PDK4: variants seen among roughly 807,000 people sequenced by gnomAD.
PDK4 encodes the protein pyruvate dehydrogenase kinase, isozyme 4.
Under a neutral mutation model 51.7 loss-of-function variants are expected in PDK4, and 43 were observed. That is an observed-to-expected ratio of 0.83 (90% CI 0.65 to 1.07). The LOEUF is 1.07. Ranked by LOEUF, PDK4 falls within the 50% of genes least tolerant of loss-of-function variation. The pLI, the probability that PDK4 is intolerant of heterozygous loss-of-function variation, is 0.00. For synonymous variants in PDK4, 170 were observed against 176.6 expected (o/e 0.96, Z 0.30); for missense variants, 498 against 503.5 (o/e 0.99, Z 0.10).
intron 1 of PDK4, 103 bp from the exon 2 acceptor site, chr7:95,595,267 T>C: frequency 1.4e-6 from 1 of 696,054 alleles, no homozygotes; most frequent in Non-Finnish European, 2.3e-6. Flanking sequence ...TATTATAAAA[T>C]TATATTTCAC....
chr7:95,587,512 C>T lies in PDK4; in HGVS notation c.887G>A (p.Gly296Asp). Reference sequence around the variant, plus strand: ...GTCAATAATTCTCAGGGGAACACCACCTCCTCTGTCTGAAATCTAAAACAA... The same window carrying T: ...GTCAATAATTCTCAGGGGAACACCATCTCCTCTGTCTGAAATCTAAAACAA... ...DLTIKISDRGGGVPLRIIDRL... is the reference protein window; with the variant it reads ...DLTIKISDRGDGVPLRIIDRL... Residue 296 changes from glycine (G) to aspartate (D), a missense_variant, in exon 9 of 11, where the codon GGT becomes GAT. Physicochemically the swap from Gly to Asp is moderately conservative, Grantham distance 94 (BLOSUM62 -1). Coordinates refer to ENST00000005178, the MANE Select transcript of PDK4 (RefSeq NM_002612.4). The T allele has an allele frequency of 1.3e-6, 2 of 1,596,432 alleles. No homozygotes were observed. Among genetic ancestry groups the T allele is most frequent in the Non-Finnish European group, 1.7e-6 (2 of 1,163,904 alleles).
In PDK4 at chr7:95,596,330, G is replaced by T; in HGVS notation, c.-37C>A. ...CCCGGCCTGGCGGGGACTGTGGCTG[G>T]CTTGAGGGGCGAAGGCTGCTCGGAG... On this transcript the variant is annotated 5_prime_UTR_variant, in exon 1 of 11. Coordinates refer to ENST00000005178, the MANE Select transcript of PDK4 (RefSeq NM_002612.4). 6.5e-7 allele frequency: 1 copy of T among 1,544,816 alleles called. No homozygotes were observed. The highest frequency in any genetic ancestry group is 8.7e-7 in the Non-Finnish European group (1 of 1,147,416).
chr7:95,592,863 T>C lies in PDK4; in HGVS notation c.426A>G (p.Lys142=). The change falls in exon 4 of 11, where the codon AAA becomes AAG. Residue 142 remains lysine (K), a synonymous_variant. Transcript: ENST00000005178. ...TGACTGGGTCAACTGTACAGGCATCTTTATACTCTATGATTCCTTGTGCCA... is the reference window on the plus strand; with the variant it reads ...TGACTGGGTCAACTGTACAGGCATCCTTATACTCTATGATTCCTTGTGCCA... ...PTMAQGIIEY[K]DACTVDPVTN... The C allele has an allele frequency of 6.2e-7, 1 of 1,611,536 alleles. No homozygotes were observed. Among genetic ancestry groups the C allele is most frequent in the Non-Finnish European group, 8.5e-7 (1 of 1,177,794 alleles).
At position 95,596,468 on chromosome 7, in the gene PDK4, T is replaced by G. The variant is rs1791624702; in HGVS notation, c.-175A>C. ...TTTGAGGGTGCCGCGGAGTGAAGAG[T>G]CTGGGCAGAGTCGGAGATGCAGTGG... On this transcript the variant is annotated 5_prime_UTR_variant, in exon 1 of 11. Transcript: ENST00000005178. The G allele has an allele frequency of 1.7e-6, 1 of 589,400 alleles. No individual in the cohort carries two copies. The highest frequency in any genetic ancestry group is 2.5e-5 in the South Asian group (1 of 39,798). 36.5% of individuals were successfully genotyped at this position (589,400 alleles called of 1,614,324 possible). A position where few individuals can be genotyped will look rare whatever the true frequency, so the allele number is the denominator to read the frequency against.
At chr7:95,594,708 C>T (rs1791594379) in intron 2 of PDK4, 2 of 169,032 alleles carry the variant, frequency 1.2e-5, no homozygotes, top group Non-Finnish European at 2.5e-5. Flanking sequence ...TTTGCAATAT[C>T]AAACTCTTTT....
intron 5 of PDK4, 132 bp from the exon 6 acceptor site, chr7:95,592,197 T>C: frequency 2.2e-6 from 1 of 444,642 alleles, no homozygotes; most frequent in East Asian, 3.6e-5. Flanking sequence ...TATAAAAATA[T>C]ATTTTAATAT....
Position 95,592,073 on chromosome 7 carries a change from A to G in PDK4, c.617-8T>C, listed in dbSNP as rs1159028668. On this transcript the variant is annotated splice_region_variant and splice_polypyrimidine_tract_variant and intron_variant, in intron 5 of 10. Transcript: ENST00000005178. Reference sequence around the variant, plus strand: ...TTGAACACTCAAAGGCATCTGGAATAGAAGTTGTTTTTTATAACAATGAAA... The same window carrying G: ...TTGAACACTCAAAGGCATCTGGAATGGAAGTTGTTTTTTATAACAATGAAA... The G allele has an allele frequency of 6.5e-7, 1 of 1,544,048 alleles. No homozygotes were observed. The highest frequency in any genetic ancestry group is 2.3e-5 in the East Asian group (1 of 42,634).
rs56007777 is a variant in PDK4 at position 95,585,683 on chromosome 7, T to C, written c.1194A>G (p.Pro398=). ...MSSEADDWCI[P]SREPKNLAKE... ...TTGCCAGGTTCTTTGGTTCCCTGCT[T>C]GGGATACACCAGTCATCAGCCTCAG... is the stretch of plus-strand genomic sequence containing the variant. The change falls in exon 11 of 11, where the codon CCA becomes CCG. Residue 398 remains proline, a synonymous_variant. Transcript: ENST00000005178. The C allele has an allele frequency of 1.0e-4, 162 of 1,611,730 alleles. No individual in the cohort carries two copies. Among genetic ancestry groups the C allele is most frequent in the Non-Finnish European group, 1.3e-4 (153 of 1,178,310 alleles).
intron 2 of PDK4, 101 bp downstream of exon 2, chr7:95,594,922 T>G: frequency 1.5e-6 from 1 of 683,482 alleles, no homozygotes; most frequent in Non-Finnish European, 2.4e-6. Context: ...TAGTTACCAT[T>G]CAGATCACCT....
intron 10 of PDK4, 166 bp downstream of exon 10, chr7:95,586,844 A>G (rs1318860814): frequency 1.0e-5 from 5 of 496,816 alleles, no homozygotes; most frequent in African/African-American, 1.9e-5. Context: ...GTAAGTTATC[A>G]TATTAAATAA....
Position 95,585,562 on chromosome 7 carries a change from G to T in PDK4, c.*79C>A. The stretch of plus-strand genomic sequence containing the variant: ...CTGTCGTTTGTTTTGGAGGAAACAA[G>T]GGTTCACACACAAACATTCAGGAAG... On this transcript the variant is annotated 3_prime_UTR_variant, in exon 11 of 11. Transcript: ENST00000005178. 9.0e-6 allele frequency: 11 copies of T among 1,224,314 alleles called. No homozygotes were observed. Among genetic ancestry groups the T allele is most frequent in the Non-Finnish European group, 9.1e-6 (8 of 878,692 alleles). 75.8% of individuals were successfully genotyped at this position (1,224,314 alleles called of 1,614,324 possible).
rs1791447253 is a variant in PDK4 at position 95,583,993 on chromosome 7, A to G, written c.*1648T>C. On this transcript the variant is annotated 3_prime_UTR_variant, in exon 11 of 11. Transcript: ENST00000005178. Reference sequence around the variant, plus strand: ...TCCACAAAAAAATAGTTGAGCTTCTATTACCATTACCAGAAGCACCACAAC... The same window carrying G: ...TCCACAAAAAAATAGTTGAGCTTCTGTTACCATTACCAGAAGCACCACAAC... The G allele has an allele frequency of 6.6e-6, 1 of 152,184 alleles. No homozygotes were observed. Among genetic ancestry groups the G allele is most frequent in the South Asian group, 2.1e-4 (1 of 4,830 alleles). 9.4% of individuals were successfully genotyped at this position (152,184 alleles called of 1,614,324 possible). A position where few individuals can be genotyped will look rare whatever the true frequency, so the allele number is the denominator to read the frequency against.
chr7:95,587,647 A>G lies in PDK4; in HGVS notation c.870+80T>C, dbSNP rs1020183198. 4 of 1,218,206 alleles carry G rather than the reference A, an allele frequency of 3.3e-6. No individual in the cohort carries two copies. The African/African-American group carries it at 6.0e-5, about 18-fold the overall frequency. 75.5% of individuals were successfully genotyped at this position (1,218,206 alleles called of 1,614,324 possible). ...GGCATATATGACTGTTATCTATTGCAAAAAGCAGACAGCTTTATTACTATT... is the reference window on the plus strand; with the variant it reads ...GGCATATATGACTGTTATCTATTGCGAAAAGCAGACAGCTTTATTACTATT... On this transcript the variant is annotated intron_variant, in intron 8 of 10. Coordinates refer to ENST00000005178, the MANE Select transcript of PDK4 (RefSeq NM_002612.4).
intron 6 of PDK4, among the ~76,000 whole-genome samples, chr7:95,590,507 G>A (rs1273815043): frequency 3.9e-5 from 6 of 152,230 alleles, no homozygotes; most frequent in South Asian, 4.2e-4. Flanking sequence ...GGCAAAGTTC[G>A]AATCAGAAAA....
chr7:95,587,862 A>G (rs1347000594), intron 7 of PDK4, 37 bp from the exon 8 acceptor site: 1 of 1,234,646 alleles, frequency 8.1e-7, no homozygotes, highest in Non-Finnish European at 1.2e-6. Flanking sequence ...TCAATGGCAG[A>G]GGAATGAGGG....
chr7:95,594,960 A>G (rs780952394), intron 2 of PDK4, 63 bp downstream of exon 2: 21 of 1,166,238 alleles, frequency 1.8e-5, no homozygotes, highest in Non-Finnish European at 2.4e-5. Flanking sequence ...TTAACATAGT[A>G]TAAGAATTCA....
At chr7:95,595,939 C>T (rs538053057) in intron 1 of PDK4, among the ~76,000 whole-genome samples, 45 of 152,136 alleles carry the variant, frequency 3.0e-4, no homozygotes, top group Non-Finnish European at 5.9e-4. Flanking sequence ...GTCAAACCAT[C>T]CAGCGTCGGC....
At position 95,585,741 on chromosome 7, in the gene PDK4, T is replaced by C. The variant is rs746583324; in HGVS notation, c.1136A>G (p.Asn379Ser). The stretch of plus-strand genomic sequence containing the variant: ...CTGATAATGTTTGAAGGCTGACTTG[T>C]TAAAAACTGGAAGTTTTTCTATAGA... ...SESIEKLPVF[N>S]KSAFKHYQMS... Residue 379 changes from asparagine to serine, a missense_variant, in exon 11 of 11, where the codon AAC becomes AGC. Coordinates refer to ENST00000005178, the MANE Select transcript of PDK4 (RefSeq NM_002612.4). 7 of 1,602,238 alleles carry C rather than the reference T, an allele frequency of 4.4e-6. No homozygotes were observed. The highest frequency in any genetic ancestry group is 1.7e-5 in the Admixed American group (1 of 59,852).
chr7:95,590,199 T>G (rs6956280), intron 6 of PDK4, among the ~76,000 whole-genome samples: 1 of 152,004 alleles, frequency 6.6e-6, no homozygotes, highest in African/African-American at 2.4e-5. Flanking sequence ...AGTCAAAATT[T>G]TATGTATTTT....
Sources: gnomAD v4.1 joint callset for allele counts (sites outside exome capture counted in the v4.1 genomes callset) on GRCh38, gnomAD v4.1.1 for gene constraint, MANE v1.5 for transcripts, NCBI Gene and HGNC (gene_info 2026-07-23, HGNC 2026-07-21) for gene names.